HIPK2: variants seen among roughly 807,000 people sequenced by gnomAD.
HIPK2 encodes the protein homeodomain interacting protein kinase 2.
In HIPK2, 27 loss-of-function variants were observed where a neutral mutation model predicts 113.7. That is an observed-to-expected ratio of 0.24 (90% CI 0.17 to 0.33). The LOEUF (loss-of-function observed/expected upper bound fraction) is 0.33, where lower values mean the gene tolerates loss of function less well. Among genes scored for constraint, HIPK2 ranks in the 10% least tolerant of loss-of-function variants. The probability of loss-of-function intolerance (pLI) is 1.00; values close to 1 mark genes in which losing one functional copy is unlikely to be tolerated. For synonymous variants in HIPK2, 631 were observed against 642.2 expected, an observed-to-expected ratio of 0.98 and a Z score of 0.26; for missense variants, 1,257 against 1,588.0, an observed-to-expected ratio of 0.79 and a Z score of 3.54.
chr7:139,660,602 G>A (rs1467237916), intron 2 of HIPK2, among the ~76,000 whole-genome samples: 2 of 152,292 alleles, frequency 1.3e-5, no homozygotes, highest in East Asian at 3.9e-4. Context: ...ATATTTGTGG[G>A]TTGGACCTTA....
At chr7:139,730,191 G>A (rs561014036) in intron 1 of HIPK2, among the ~76,000 whole-genome samples, 8 of 152,244 alleles carry the variant, frequency 5.3e-5, no homozygotes, top group East Asian at 3.9e-4. Context: ...AAAATGATGC[G>A]TTTTACTAGC....
chr7:139,768,699 C>T (rs111455419), intron 1 of HIPK2, among the ~76,000 whole-genome samples: 2 of 152,098 alleles, frequency 1.3e-5, no homozygotes, highest in African/African-American at 4.8e-5. Flanking sequence ...AAGGGGACCA[C>T]GAGAACCAGA....
At chr7:139,738,610 A>C (rs2117065109) in intron 1 of HIPK2, among the ~76,000 whole-genome samples, 1 of 152,318 alleles carries the variant, frequency 6.6e-6, no homozygotes, top group Admixed American at 6.5e-5. Flanking sequence ...GCACACACAC[A>C]ACAACCAAAA....
rs1184365595 is a variant in HIPK2 at position 139,565,632 on chromosome 7, C to A, written c.*7295G>T. The A allele has an allele frequency of 6.6e-6, 1 of 151,740 alleles. No individual in the cohort carries two copies. The highest frequency in any genetic ancestry group is 6.6e-5 in the Admixed American group (1 of 15,220). The allele number at this position is 151,740 out of a possible 1,614,324, so 9.4% of individuals were successfully genotyped here. On this transcript the variant is annotated 3_prime_UTR_variant, in exon 15 of 15. Coordinates refer to ENST00000406875, the MANE Select transcript of HIPK2 (RefSeq NM_022740.5). ...CCTGTTTATACAATTGTTGCTATTT[C>A]TTTGAGAAGAGTATCTCAAAAGAAA...
chr7:139,668,570 C>CA (rs554785662), intron 2 of HIPK2, among the ~76,000 whole-genome samples: 30,173 of 102,576 alleles, frequency 0.29, 3,289 homozygotes, highest in East Asian at 0.48. Flanking sequence ...GGCTCTGTCT[C>CA]AAAAAAAAAA....
chr7:139,621,119 G>C (rs1024102662), intron 6 of HIPK2, among the ~76,000 whole-genome samples: 2 of 152,200 alleles, frequency 1.3e-5, no homozygotes, highest in East Asian at 1.9e-4. Flanking sequence ...GTAGGTAATG[G>C]AAACAGTAAT....
At chr7:139,727,267 T>C (rs746551264) in intron 1 of HIPK2, among the ~76,000 whole-genome samples, 3 of 152,122 alleles carry the variant, frequency 2.0e-5, no homozygotes, top group African/African-American at 4.8e-5. Context: ...AATTAAGGGA[T>C]TGATCCAGGA....
Position 139,613,654 on chromosome 7 carries a change from T to C in HIPK2, c.1991-331A>G, listed in dbSNP as rs1325067571. ...CAAGATGTACCTGTGTATGTCAAAA[T>C]GAGGGGTGTTGGGGAGATGTATGAA... On this transcript the variant is annotated intron_variant, in intron 8 of 14. Transcript: ENST00000406875. This position sits in a 1 kb window ranked among gnomAD's most constrained non-coding sequence, Gnocchi z 4.2. 6.6e-6 allele frequency among the ~76,000 whole-genome samples: 1 copy of C among 152,164 alleles called. No homozygotes were observed. Among genetic ancestry groups the C allele is most frequent in the East Asian group, 1.9e-4 (1 of 5,184 alleles).
intron 1 of HIPK2, among the ~76,000 whole-genome samples, chr7:139,749,967 A>C (rs1226036118): frequency 6.6e-6 from 1 of 152,154 alleles, no homozygotes; most frequent in Non-Finnish European, 1.5e-5. Context: ...CTTCCCACAT[A>C]ACATTCCTGA....
chr7:139,620,431 A>G lies in HIPK2; in HGVS notation c.1752T>C (p.Phe584=), dbSNP rs35330567. 1,299 of 1,613,902 alleles carry G rather than the reference A, an allele frequency of 8.0e-4. 12 individuals carry two copies. The African/African-American group carries it at 0.015, about 19-fold the overall frequency. The change falls in exon 7 of 15, where the codon TTT becomes TTC. Residue 584 remains phenylalanine (F), a synonymous_variant. Transcript: ENST00000406875. ...TGTGGACAGTGGTCAGCTGGTTGTT[A>G]AAGGTCATGGTCAGGTTGGTGGACG... ...PSTSTNLTMT[F]NNQLTTVHNQ...
intron 5 of HIPK2, 65 bp downstream of exon 5, chr7:139,628,888 T>C (rs1267985321): frequency 3.0e-6 from 4 of 1,355,662 alleles, no homozygotes; most frequent in East Asian, 5.0e-5. Context: ...TCTATTACTA[T>C]TGCAGAAGTC....
chr7:139,769,248 C>T (rs545125915), intron 1 of HIPK2, among the ~76,000 whole-genome samples: 3 of 151,996 alleles, frequency 2.0e-5, no homozygotes, highest in East Asian at 3.9e-4. Context: ...ACTCCACGGC[C>T]GCAGTGCCTT....
At chr7:139,691,354 A>G (rs550300304) in intron 2 of HIPK2, among the ~76,000 whole-genome samples, 37 of 152,332 alleles carry the variant, frequency 2.4e-4, no homozygotes, top group Non-Finnish European at 3.4e-4. Flanking sequence ...TATGACTAAG[A>G]AAGTTCAGTG....
intron 2 of HIPK2, among the ~76,000 whole-genome samples, chr7:139,663,679 G>A (rs1443767302): frequency 6.6e-6 from 1 of 152,188 alleles, no homozygotes; most frequent in Non-Finnish European, 1.5e-5. Context: ...GGTAAAACAG[G>A]CTTTTGAGAC....
chr7:139,624,889 G>A (rs1422120305), intron 6 of HIPK2, among the ~76,000 whole-genome samples: 4 of 152,206 alleles, frequency 2.6e-5, no homozygotes, highest in African/African-American at 7.2e-5. Flanking sequence ...GATTCATGTC[G>A]AACCTCAGGG....
At chr7:139,636,144 G>A (rs1426257629) in intron 2 of HIPK2, among the ~76,000 whole-genome samples, 2 of 152,100 alleles carry the variant, frequency 1.3e-5, no homozygotes, top group Non-Finnish European at 2.9e-5. Context: ...TCTGTGACCT[G>A]GGAGCCACAT....
intron 13 of HIPK2, among the ~76,000 whole-genome samples, chr7:139,583,238 C>G (rs184858823): frequency 6.6e-6 from 1 of 152,310 alleles, no homozygotes; most frequent in Admixed American, 6.5e-5. Context: ...CGTTCTCAGC[C>G]TTTATTCCAG....
At chr7:139,734,496 CTGA>C (rs1484296595) in intron 1 of HIPK2, among the ~76,000 whole-genome samples, 1 of 152,194 alleles carries the variant, frequency 6.6e-6, no homozygotes, top group Non-Finnish European at 1.5e-5. Flanking sequence ...TTACCCTGGG[CTGA>C]TGTTTTCTCT....
chr7:139,572,896 C>T lies in HIPK2; in HGVS notation c.*31G>A. 7.3e-6 allele frequency: 4 copies of T among 548,044 alleles called. No individual in the cohort carries two copies. Among genetic ancestry groups the T allele is most frequent in the Non-Finnish European group, 6.7e-6 (2 of 297,070 alleles). The allele number at this position is 548,044 out of a possible 1,614,324, so 33.9% of individuals were successfully genotyped here. ...CCCTCCTCCCTCGGGCCATTCTCTCCCTCCCTCCCTCCCTCCCTCCCCTCC... is the reference window on the plus strand; with the variant it reads ...CCCTCCTCCCTCGGGCCATTCTCTCTCTCCCTCCCTCCCTCCCTCCCCTCC... On this transcript the variant is annotated 3_prime_UTR_variant, in exon 15 of 15. Transcript: ENST00000406875.
Sources: gnomAD v4.1 joint callset for allele counts (sites outside exome capture counted in the v4.1 genomes callset) on GRCh38, gnomAD v4.1.1 for gene constraint, Gnocchi (gnomAD v3.1) non-coding constraint, MANE v1.5 for transcripts, NCBI Gene and HGNC (gene_info 2026-07-23, HGNC 2026-07-21) for gene names.